Variants in PKNOX1 observed in about 807,000 individuals in gnomAD.
PKNOX1 encodes the protein PBX/knotted 1 homeobox 1.
Under a neutral mutation model 51.9 loss-of-function variants are expected in PKNOX1, and 15 were observed. The ratio of observed to expected loss-of-function variants is 0.29; its 90% CI spans 0.19 to 0.45. The LOEUF (loss-of-function observed/expected upper bound fraction) is 0.45. Among genes scored for constraint, PKNOX1 ranks in the 20% least tolerant of loss-of-function variants. The pLI, the probability that PKNOX1 is intolerant of heterozygous loss-of-function variation, is 1.00. For missense variants in PKNOX1, 462 were observed against 547.5 expected (o/e 0.84, Z 1.56); for synonymous variants, 219 against 211.1 (o/e 1.04, Z -0.32).
chr21:42,992,831 G>A (rs1300612840), intron 1 of PKNOX1, among the ~76,000 whole-genome samples: 1 of 145,676 alleles, frequency 6.9e-6, no homozygotes, highest in Non-Finnish European at 1.5e-5. Flanking sequence ...CAGCAATGGG[G>A]GCCTTCCTCA....
At chr21:43,020,966 G>C (rs528406744) in intron 7 of PKNOX1, among the ~76,000 whole-genome samples, 1 of 152,318 alleles carries the variant, frequency 6.6e-6, no homozygotes, top group South Asian at 2.1e-4. Context: ...GAAATTAGCT[G>C]GGTGTGGTGA....
intron 6 of PKNOX1, 178 bp downstream of exon 6, chr21:43,017,185 AT>A (rs1979533418): frequency 2.4e-6 from 1 of 413,466 alleles, no homozygotes; most frequent in South Asian, 6.4e-5. Context: ...CAAATATTTT[AT>A]GCAGATTGTG....
At chr21:43,014,847 G>C (rs1448935676) in intron 5 of PKNOX1, among the ~76,000 whole-genome samples, 1 of 152,184 alleles carries the variant, frequency 6.6e-6, no homozygotes, top group African/African-American at 2.4e-5. Flanking sequence ...TAGCTGTTCT[G>C]GTTCCTTTGC....
chr21:42,994,918 CTTTTTT>C (rs11361350), intron 1 of PKNOX1, among the ~76,000 whole-genome samples: 1 of 113,578 alleles, frequency 8.8e-6, no homozygotes, highest in African/African-American at 3.4e-5. Context: ...TTTCTTTCTT[CTTTTTT>C]TTTTTTTTTT....
intron 2 of PKNOX1, 33 bp downstream of exon 2, chr21:43,004,465 C>T: frequency 6.9e-7 from 1 of 1,444,794 alleles, no homozygotes; most frequent in Non-Finnish European, 9.7e-7. Flanking sequence ...ATTCTAATTA[C>T]AAATCAACCT....
rs566268110 is a variant in PKNOX1, at chr21:43,013,735, T to TG, written c.522+497_522+498insG. Reference sequence around the variant, plus strand: ...CCCTAGCCCCTGGAACCCACCGTTCTACTGTCTGTCTCTGTGAATTCGATG... The same window carrying TG: ...CCCTAGCCCCTGGAACCCACCGTTCTGACTGTCTGTCTCTGTGAATTCGATG... On this transcript the variant is annotated intron_variant, in intron 5 of 10. Coordinates refer to ENST00000291547, the MANE Select transcript of PKNOX1 (RefSeq NM_004571.5). 5.3e-5 allele frequency among the ~76,000 whole-genome samples: 8 copies of TG among 152,272 alleles called. No homozygotes were observed. In the South Asian group the frequency reaches 6.2e-4, roughly 12 times the overall value.
chr21:43,001,480 C>A (rs1978749273), intron 1 of PKNOX1, among the ~76,000 whole-genome samples: 1 of 152,162 alleles, frequency 6.6e-6, no homozygotes, highest in Non-Finnish European at 1.5e-5. Flanking sequence ...CTCCCACATC[C>A]TTGGTCCTCC....
chr21:42,975,621 G>T (rs1210431213), intron 1 of PKNOX1, among the ~76,000 whole-genome samples: 1 of 152,220 alleles, frequency 6.6e-6, no homozygotes, highest in South Asian at 2.1e-4. Context: ...CTCTGCGACG[G>T]GACCAGTTAG....
At chr21:43,029,424 GT>G (rs138486584) in intron 10 of PKNOX1, among the ~76,000 whole-genome samples, 3 of 63,270 alleles carry the variant, frequency 4.7e-5, no homozygotes, top group African/African-American at 6.5e-5. Context: ...TGTTTGCTTT[GT>G]TTTTTTTTTT....
intron 3 of PKNOX1, among the ~76,000 whole-genome samples, chr21:43,008,695 CT>C (rs753220960): frequency 8.6e-5 from 13 of 152,038 alleles, no homozygotes; most frequent in Non-Finnish European, 1.6e-4. Flanking sequence ...GGGAGAATCA[CT>C]TGAACCCGGT....
At chr21:42,982,731 CAAAAA>C (rs10658050) in intron 1 of PKNOX1, among the ~76,000 whole-genome samples, 1 of 129,908 alleles carries the variant, frequency 7.7e-6, no homozygotes, top group African/African-American at 2.9e-5. Context: ...AACTCCATCT[CAAAAA>C]AAAAAAAAAA....
At chr21:43,020,300 A>C (rs917719761) in intron 7 of PKNOX1, among the ~76,000 whole-genome samples, 7 of 152,100 alleles carry the variant, frequency 4.6e-5, no homozygotes, top group Non-Finnish European at 8.8e-5. Flanking sequence ...CTACGGAGCG[A>C]TTTTGCTTCC....
chr21:43,003,598 G>A (rs1241183309), intron 1 of PKNOX1, among the ~76,000 whole-genome samples: 1 of 152,124 alleles, frequency 6.6e-6, no homozygotes, highest in Non-Finnish European at 1.5e-5. Context: ...ACACGGCCCG[G>A]GAAAGCAGCC....
At chr21:42,989,226 G>A (rs1205536896) in intron 1 of PKNOX1, among the ~76,000 whole-genome samples, 2 of 151,284 alleles carry the variant, frequency 1.3e-5, no homozygotes, top group Non-Finnish European at 2.9e-5. Flanking sequence ...CAATATTCCC[G>A]CCTCGGGCTT....
rs527916813 is a variant in PKNOX1 at position 42,988,196 on chromosome 21, G to A, written c.-57+13532G>A. Among the ~76,000 whole-genome samples, 8 of 152,108 alleles carry A rather than the reference G, an allele frequency of 5.3e-5. No homozygotes were observed. The South Asian group carries it at 6.2e-4, about 12-fold the overall frequency. ...AGCCTCTTGAGTAGCTGAAATAGGCGCGTGCCACCACACCCAGCTAATTTT... is the reference window on the plus strand; with the variant it reads ...AGCCTCTTGAGTAGCTGAAATAGGCACGTGCCACCACACCCAGCTAATTTT... On this transcript the variant is annotated intron_variant, in intron 1 of 10. Coordinates refer to ENST00000291547, the MANE Select transcript of PKNOX1 (RefSeq NM_004571.5).
chr21:43,024,680 T>G, intron 8 of PKNOX1, 191 bp from the exon 9 acceptor site: 1 of 577,282 alleles, frequency 1.7e-6, no homozygotes. Context: ...AACCAGCCAC[T>G]GCAGCACTAG....
intron 9 of PKNOX1, among the ~76,000 whole-genome samples, chr21:43,028,065 G>A (rs1034294234): frequency 2.0e-5 from 3 of 152,236 alleles, no homozygotes; most frequent in African/African-American, 7.2e-5. Flanking sequence ...GTGCCTACGT[G>A]CTGTGCTGGC....
At chr21:42,978,774 G>T (rs1488789557) in intron 1 of PKNOX1, among the ~76,000 whole-genome samples, 4 of 151,844 alleles carry the variant, frequency 2.6e-5, no homozygotes, top group Non-Finnish European at 5.9e-5. Context: ...ATGAGCCACC[G>T]CACCCAGCCC....
At chr21:42,978,000 C>A (rs4516533) in intron 1 of PKNOX1, among the ~76,000 whole-genome samples, 5,791 of 152,188 alleles carry the variant, frequency 0.038, 140 homozygotes, top group Middle Eastern at 0.061. Context: ...ACCAATAAGG[C>A]TGTTTCACTT....
Sources: allele counts gnomAD v4.1 joint callset (sites outside exome capture counted in the v4.1 genomes callset), GRCh38; gene constraint gnomAD v4.1.1; transcripts MANE v1.5; gene names NCBI Gene and HGNC (gene_info 2026-07-23, HGNC 2026-07-21).